Variants in BMERB1 observed in about 807,000 individuals in gnomAD.
BMERB1 encodes bMERB domain-containing protein 1.
BMERB1 carries 12 observed loss-of-function variants against 23.6 expected under a neutral mutation model. That is an observed-to-expected ratio of 0.51 (90% CI 0.33 to 0.82). The LOEUF (loss-of-function observed/expected upper bound fraction) is 0.82. Among genes scored for constraint, BMERB1 ranks in the 40% least tolerant of loss-of-function variants. The pLI is 0.03. For synonymous variants in BMERB1, 122 were observed against 96.6 expected (o/e 1.26, Z -1.54); for missense variants, 247 against 255.4 (o/e 0.97, Z 0.22).
At chr16:15,480,260 C>T (rs1403659279) in intron 1 of BMERB1, among the ~76,000 whole-genome samples, 6 of 151,490 alleles carry the variant, frequency 4.0e-5, no homozygotes, top group Admixed American at 3.3e-4. Flanking sequence ...TACAGGCACC[C>T]GCCACTATGC....
At chr16:15,479,999 C>CAA (rs2150934828) in intron 1 of BMERB1, among the ~76,000 whole-genome samples, 2 of 145,204 alleles carry the variant, frequency 1.4e-5, no homozygotes, top group African/African-American at 5.1e-5. Flanking sequence ...ATATAGTTTT[C>CAA]ATATATATAT....
At chr16:15,463,467 A>G (rs1056446442) in intron 1 of BMERB1, among the ~76,000 whole-genome samples, 5 of 152,048 alleles carry the variant, frequency 3.3e-5, no homozygotes, top group Non-Finnish European at 7.4e-5. Context: ...TGGAGAGTGA[A>G]TGAGAAGCTG....
intron 2 of BMERB1, among the ~76,000 whole-genome samples, chr16:15,562,613 C>T (rs1422829701): frequency 6.6e-6 from 1 of 152,138 alleles, no homozygotes; most frequent in Non-Finnish European, 1.5e-5. Flanking sequence ...AGCAGTGTCC[C>T]TGGTCTCTAC....
chr16:15,460,745 C>T (rs1243290622), intron 1 of BMERB1, among the ~76,000 whole-genome samples: 1 of 152,094 alleles, frequency 6.6e-6, no homozygotes, highest in Non-Finnish European at 1.5e-5. Context: ...AGACATTCTG[C>T]CTCCCCTCAA....
intron 1 of BMERB1, among the ~76,000 whole-genome samples, chr16:15,503,053 C>T (rs1012920446): frequency 8.5e-5 from 13 of 152,164 alleles, no homozygotes; most frequent in African/African-American, 2.4e-4. Flanking sequence ...CTGTGGGTTC[C>T]GCATCCTTAG....
chr16:15,585,552 C>G (rs968710708), intron 5 of BMERB1, among the ~76,000 whole-genome samples: 2 of 152,090 alleles, frequency 1.3e-5, no homozygotes, highest in African/African-American at 4.8e-5. Context: ...AAAAACCCGG[C>G]CGGGCACAGT....
intron 1 of BMERB1, among the ~76,000 whole-genome samples, chr16:15,490,335 T>C (rs1053915833): frequency 5.3e-5 from 8 of 152,162 alleles, no homozygotes; most frequent in African/African-American, 1.9e-4. Flanking sequence ...CAAAATAGAG[T>C]GCAGTGGCGT....
intron 1 of BMERB1, among the ~76,000 whole-genome samples, chr16:15,460,149 C>T (rs572728608): frequency 6.6e-6 from 1 of 152,242 alleles, no homozygotes; most frequent in East Asian, 1.9e-4. Flanking sequence ...TCTCCAACTT[C>T]TATGGAAGTT....
intron 1 of BMERB1, among the ~76,000 whole-genome samples, chr16:15,436,957 T>A (rs2050893996): frequency 6.6e-6 from 1 of 151,896 alleles, no homozygotes; most frequent in Non-Finnish European, 1.5e-5. Flanking sequence ...AAATAAAAAA[T>A]TTAAATATAA....
chr16:15,484,311 C>T (rs1434923472), intron 1 of BMERB1, among the ~76,000 whole-genome samples: 2 of 152,182 alleles, frequency 1.3e-5, no homozygotes, highest in Admixed American at 1.3e-4. Flanking sequence ...TCTCCCCCTT[C>T]TCCTGCCTCT....
intron 1 of BMERB1, among the ~76,000 whole-genome samples, chr16:15,509,264 A>G (rs1777511892): frequency 7.0e-6 from 1 of 143,188 alleles, no homozygotes. Flanking sequence ...CGCAGGCACA[A>G]ATGCATTCAG....
At chr16:15,568,153 C>A in intron 3 of BMERB1, 97 bp downstream of exon 3, 3 of 1,011,626 alleles carry the variant, frequency 3.0e-6, no homozygotes, top group Non-Finnish European at 3.0e-6. Flanking sequence ...GAGCCTCATT[C>A]TTGCAATGCA....
chr16:15,586,567 A>G, intron 5 of BMERB1, 150 bp from the exon 6 acceptor site: 1 of 674,192 alleles, frequency 1.5e-6, no homozygotes. Context: ...AATGTGCATC[A>G]GCTCTCCATA....
intron 2 of BMERB1, among the ~76,000 whole-genome samples, chr16:15,526,613 G>A (rs1197046786): frequency 7.1e-6 from 1 of 141,462 alleles, no homozygotes; most frequent in Admixed American, 7.4e-5. Context: ...GCAGTGAGCT[G>A]AGATCCCGCC....
chr16:15,572,586 A>G (rs1464784873), intron 3 of BMERB1, among the ~76,000 whole-genome samples: 1 of 152,206 alleles, frequency 6.6e-6, no homozygotes, highest in Non-Finnish European at 1.5e-5. Context: ...GCTGTTACCA[A>G]AAAAAGTTAA....
intron 1 of BMERB1, among the ~76,000 whole-genome samples, chr16:15,486,623 G>A (rs1332913761): frequency 6.6e-6 from 1 of 152,142 alleles, no homozygotes; most frequent in Non-Finnish European, 1.5e-5. Context: ...ACATGATCGT[G>A]TTAGTGGTCC....
At chr16:15,577,386 G>C (rs891052596) in intron 3 of BMERB1, among the ~76,000 whole-genome samples, 1 of 152,158 alleles carries the variant, frequency 6.6e-6, no homozygotes, top group African/African-American at 2.4e-5. Context: ...CTTCACTCCT[G>C]TATCATTAGC....
At chr16:15,535,531 AC>A (rs1222444282) in intron 2 of BMERB1, among the ~76,000 whole-genome samples, 4 of 151,666 alleles carry the variant, frequency 2.6e-5, no homozygotes, top group Admixed American at 1.3e-4. Flanking sequence ...GTCCCTGTAG[AC>A]CCAGCTGCTC....
intron 3 of BMERB1, among the ~76,000 whole-genome samples, chr16:15,570,560 G>A (rs1427515723): frequency 2.6e-5 from 4 of 152,080 alleles, no homozygotes; most frequent in African/African-American, 9.7e-5. Flanking sequence ...CCCCTCAATG[G>A]TGATGTTACC....
Sources: gnomAD v4.1 joint callset for allele counts (sites outside exome capture counted in the v4.1 genomes callset) on GRCh38, gnomAD v4.1.1 for gene constraint, MANE v1.5 for transcripts, NCBI Gene and HGNC (gene_info 2026-07-23, HGNC 2026-07-21) for gene names.